Variants in BTBD8 observed in about 807,000 individuals in gnomAD.
The protein encoded by BTBD8 is BTB/POZ domain-containing protein 8.
BTBD8 carries 110 observed loss-of-function variants against 162.9 expected under a neutral mutation model. That is an observed-to-expected ratio of 0.68 (90% confidence interval 0.58 to 0.79). The LOEUF (loss-of-function observed/expected upper bound fraction) is 0.79. Ranked by LOEUF, BTBD8 falls within the 30% of genes least tolerant of loss-of-function variation. The pLI, the probability that BTBD8 is intolerant of heterozygous loss-of-function variation, is 0.00. For synonymous variants in BTBD8, 667 were observed against 716.1 expected (o/e 0.93, Z 1.10); for missense variants, 1,905 against 2,085.4 (o/e 0.91, Z 1.68).
At chr1:92,123,556 A>C (rs912779061) in intron 4 of BTBD8, among the ~76,000 whole-genome samples, 1 of 152,116 alleles carries the variant, frequency 6.6e-6, no homozygotes, top group Non-Finnish European at 1.5e-5. Context: ...ACATTTTGTT[A>C]CATTTGTTGC....
At chr1:92,141,332 A>G in intron 7 of BTBD8, 121 bp downstream of exon 7, 1 of 1,025,018 alleles carries the variant, frequency 9.8e-7, no homozygotes, top group Non-Finnish European at 1.3e-6. Context: ...AAATTTAACT[A>G]ATGAGAACTC....
intron 3 of BTBD8, 113 bp downstream of exon 3, chr1:92,102,782 G>C (rs1228172404): frequency 1.9e-6 from 2 of 1,029,784 alleles, no homozygotes; most frequent in African/African-American, 3.4e-5. Context: ...TTTTTAATAA[G>C]CATGGAGAAC....
chr1:92,096,489 A>G (rs903089118), intron 2 of BTBD8, among the ~76,000 whole-genome samples: 1 of 151,898 alleles, frequency 6.6e-6, no homozygotes, highest in Non-Finnish European at 1.5e-5. Flanking sequence ...ACACACAGTC[A>G]TGCTAACCAC....
intron 5 of BTBD8, 21 bp from the exon 6 acceptor site, chr1:92,139,329 G>T: frequency 1.3e-6 from 2 of 1,548,824 alleles, no homozygotes; most frequent in South Asian, 2.6e-5. Context: ...TTCTGGATTT[G>T]AGTTTTCTTT....
Position 92,102,277 on chromosome 1 carries a change from C to T in BTBD8, c.348-196C>T, listed in dbSNP as rs569505682. Among the ~76,000 whole-genome samples, 8 of 152,234 alleles carry T rather than the reference C, an allele frequency of 5.3e-5. No individual in the cohort carries two copies. The South Asian group carries it at 8.3e-4, about 16-fold the overall frequency. Reference sequence around the variant, plus strand: ...CAAATGGTCTCCCCACCTCGGCCTCCCAAAGTGCTGGGATTACAGGTGTGA... The same window carrying T: ...CAAATGGTCTCCCCACCTCGGCCTCTCAAAGTGCTGGGATTACAGGTGTGA... On this transcript the variant is annotated intron_variant, in intron 2 of 17. Transcript: ENST00000636805.
At chr1:92,119,846 A>T (rs1215226552) in intron 4 of BTBD8, among the ~76,000 whole-genome samples, 1 of 131,358 alleles carries the variant, frequency 7.6e-6, no homozygotes, top group Non-Finnish European at 1.6e-5. Context: ...CGACTTCATG[A>T]TCTGCCCGAG....
At position 92,182,059 on chromosome 1, in the gene BTBD8, T is replaced by C. The variant is rs1178841428; in HGVS notation, c.4376T>C (p.Phe1459Ser). 9 of 1,551,584 alleles carry C rather than the reference T, an allele frequency of 5.8e-6. No individual in the cohort carries two copies. Among genetic ancestry groups the C allele is most frequent in the Non-Finnish European group, 7.8e-6 (9 of 1,146,926 alleles). The change falls in exon 17 of 18, where the codon TTT (phenylalanine) becomes TCT (serine). Residue 1459 changes from phenylalanine (F) to serine (S), a missense_variant. Transcript: ENST00000636805. ...GATGAAGGAGAAGTCCATACTCCCT[T>C]TCAGGCTTCTGTAGATTCTTTTTCA... ...GSDEGEVHTP[F>S]QASVDSFSPS...
In BTBD8 at chr1:92,147,752, A is replaced by G; in HGVS notation, c.1088A>G (p.Gln363Arg). 2 of 1,613,610 alleles carry G rather than the reference A, an allele frequency of 1.2e-6. No individual in the cohort carries two copies. The highest frequency in any genetic ancestry group is 1.7e-6 in the Non-Finnish European group (2 of 1,179,832). ...RSFANIPPEI[Q>R]KSCLNMLIQS... ...TTTGCAAATATACCTCCTGAGATTC[A>G]GAAAAGTTGTCTTAATATGTTGATT... Residue 363 changes from glutamine to arginine, a missense_variant, in exon 9 of 18, where the codon CAG (glutamine) becomes CGG (arginine). Gln to Arg is a conservative substitution (Grantham distance 43). Coordinates refer to ENST00000636805, the MANE Select transcript of BTBD8 (RefSeq NM_001376131.1).
At chr1:92,140,322 G>A (rs988159672) in intron 6 of BTBD8, among the ~76,000 whole-genome samples, 2 of 151,898 alleles carry the variant, frequency 1.3e-5, no homozygotes, top group African/African-American at 2.4e-5. Context: ...TTTTAAATGC[G>A]CTATAGTGAA....
intron 9 of BTBD8, among the ~76,000 whole-genome samples, chr1:92,148,192 A>G (rs943951898): frequency 2.0e-5 from 3 of 152,182 alleles, no homozygotes; most frequent in African/African-American, 7.2e-5. Flanking sequence ...GATCACTTCC[A>G]TCCTGTAAAA....
chr1:92,175,249 G>A (rs1650675260), intron 13 of BTBD8, among the ~76,000 whole-genome samples: 1 of 151,986 alleles, frequency 6.6e-6, no homozygotes, highest in African/African-American at 2.4e-5. Flanking sequence ...AGGAGGCTGA[G>A]GTGGGTGGAT....
intron 4 of BTBD8, among the ~76,000 whole-genome samples, chr1:92,113,736 G>A (rs545983490): frequency 2.6e-5 from 4 of 152,086 alleles, no homozygotes; most frequent in East Asian, 1.9e-4. Flanking sequence ...GGGTAGGCCC[G>A]GTGCGGTGGC....
chr1:92,180,280 C>T lies in BTBD8; in HGVS notation c.2597C>T (p.Ser866Leu). 6.5e-7 allele frequency: 1 copy of T among 1,544,484 alleles called. No homozygotes were observed. The highest frequency in any genetic ancestry group is 8.7e-7 in the Non-Finnish European group (1 of 1,144,670). ...CTTTTCTTAGGATCCCAAGGAGAGT[C>T]ACCAAACTCAGTAAAATCTTCAGTC... ...LTKTQGSQGE[S>L]PNSVKSSVSS... Residue 866 changes from serine (S) to leucine (L), a missense_variant, in exon 17 of 18, where the codon TCA becomes TTA. Physicochemically the swap from Ser to Leu is moderately radical, Grantham distance 145. Around this residue, in one of 3 missense-constraint regions of BTBD8, gnomAD observed 1,374 missense variants for 1,442.7 expected, o/e 0.95. Coordinates refer to ENST00000636805, the MANE Select transcript of BTBD8 (RefSeq NM_001376131.1).
chr1:92,158,497 T>C (rs1474823758), intron 9 of BTBD8, among the ~76,000 whole-genome samples: 1 of 152,150 alleles, frequency 6.6e-6, no homozygotes, highest in African/African-American at 2.4e-5. Context: ...TCTACACTTC[T>C]CCCCCCACAC....
At chr1:92,091,442 A>G (rs1648295856) in intron 2 of BTBD8, among the ~76,000 whole-genome samples, 1 of 151,856 alleles carries the variant, frequency 6.6e-6, no homozygotes, top group Non-Finnish European at 1.5e-5. Context: ...AGAACGGACT[A>G]ATACACTCGT....
intron 4 of BTBD8, among the ~76,000 whole-genome samples, chr1:92,121,690 C>T (rs1422011382): frequency 2.6e-5 from 4 of 152,072 alleles, no homozygotes; most frequent in East Asian, 1.9e-4. Flanking sequence ...AGTGAATTTT[C>T]GTCAACTAAA....
intron 6 of BTBD8, 119 bp downstream of exon 6, chr1:92,139,549 C>T (rs1431038160): frequency 1.5e-6 from 2 of 1,365,934 alleles, no homozygotes; most frequent in Non-Finnish European, 1.9e-6. Context: ...TATACTATAT[C>T]TTCAGTAGGT....
intron 16 of BTBD8, among the ~76,000 whole-genome samples, chr1:92,178,971 C>T (rs1296012535): frequency 2.0e-5 from 3 of 152,140 alleles, no homozygotes; most frequent in Non-Finnish European, 2.9e-5. Flanking sequence ...GCAGGCTAGG[C>T]GCGGTGGCTC....
intron 9 of BTBD8, among the ~76,000 whole-genome samples, chr1:92,155,571 C>T (rs1476910882): frequency 6.6e-6 from 1 of 152,192 alleles, no homozygotes; most frequent in Non-Finnish European, 1.5e-5. Flanking sequence ...TCCCAAGTAG[C>T]TGGGATTACA....
Sources: gnomAD v4.1 joint callset for allele counts (sites outside exome capture counted in the v4.1 genomes callset) on GRCh38, gnomAD v4.1.1 for gene constraint, gnomAD v4.1.1 regional missense constraint, MANE v1.5 for transcripts, NCBI Gene and HGNC (gene_info 2026-07-23, HGNC 2026-07-21) for gene names.